The following TMEM132B variants were observed in gnomAD, a reference collection of about 807,000 sequenced individuals.
The protein encoded by TMEM132B is transmembrane protein 132B.
Under a neutral mutation model 90.8 loss-of-function variants are expected in TMEM132B, and 18 were observed. That is an observed-to-expected ratio of 0.20 (90% CI 0.14 to 0.29). TMEM132B has a LOEUF of 0.29. TMEM132B is among the 10% of genes least tolerant of loss of function. The pLI, the probability that TMEM132B is intolerant of heterozygous loss-of-function variation, is 1.00. For missense variants in TMEM132B, 1,096 were observed against 1,326.8 expected (o/e 0.83, Z 2.70); for synonymous variants, 504 against 523.3 (o/e 0.96, Z 0.50).
intron 5 of TMEM132B, chr12:125,584,571 C>T (rs916641056): frequency 6.6e-6 from 1 of 152,446 alleles, no homozygotes; most frequent in Non-Finnish European, 1.5e-5. Context: ...AATAACTATT[C>T]AAATAAAATT....
chr12:125,485,529 A>G (rs756220464), intron 3 of TMEM132B, among the ~76,000 whole-genome samples: 2 of 152,164 alleles, frequency 1.3e-5, no homozygotes, highest in African/African-American at 4.8e-5. Flanking sequence ...AACTAGGTCT[A>G]ATTCCTCCTC....
intron 1 of TMEM132B, among the ~76,000 whole-genome samples, chr12:125,345,407 C>A (rs748518985): frequency 6.6e-6 from 1 of 152,144 alleles, no homozygotes; most frequent in Non-Finnish European, 1.5e-5. Flanking sequence ...GATTCATGTC[C>A]CACCAGTGCT....
chr12:125,654,885 G>A lies in TMEM132B; in HGVS notation c.*175G>A. On this transcript the variant is annotated 3_prime_UTR_variant, in exon 9 of 9. Transcript: ENST00000682704. This position sits in a 1 kb window ranked among gnomAD's most constrained non-coding sequence, Gnocchi z 5.8. ...GAGAGCTATAGAAGCTGGGTTTTAA[G>A]TTTGGAAATGCCTCTAAAACAGCCA... The A allele has an allele frequency of 1.4e-6, 1 of 725,484 alleles. No individual in the cohort carries two copies. Among genetic ancestry groups the A allele is most frequent in the African/African-American group, 1.8e-5 (1 of 56,200 alleles). 44.9% of individuals were successfully genotyped at this position (725,484 alleles called of 1,614,324 possible).
chr12:125,619,464 A>G (rs1886069909), intron 5 of TMEM132B, among the ~76,000 whole-genome samples: 1 of 151,992 alleles, frequency 6.6e-6, no homozygotes, highest in African/African-American at 2.4e-5. Flanking sequence ...TCCCGGGTTC[A>G]AGCAATTCTT....
At chr12:125,322,794 G>C (rs2136192150) in intron 1 of TMEM132B, among the ~76,000 whole-genome samples, 1 of 152,126 alleles carries the variant, frequency 6.6e-6, no homozygotes, top group South Asian at 2.1e-4. Flanking sequence ...GTTTTCTTTT[G>C]CACAGGCAGT....
At chr12:125,328,544 T>C (rs1365947775) in intron 1 of TMEM132B, among the ~76,000 whole-genome samples, 1 of 152,206 alleles carries the variant, frequency 6.6e-6, no homozygotes, top group African/African-American at 2.4e-5. Flanking sequence ...CCTCTTCAGC[T>C]TCTGGTGGCT....
intron 1 of TMEM132B, among the ~76,000 whole-genome samples, chr12:125,245,516 G>T (rs1438016014): frequency 1.3e-5 from 2 of 152,184 alleles, no homozygotes; most frequent in African/African-American, 4.8e-5. Flanking sequence ...CCTGAGACAG[G>T]CAGGACCCAG....
intron 5 of TMEM132B, among the ~76,000 whole-genome samples, chr12:125,617,813 G>A (rs7138465): frequency 0.016 from 2,506 of 152,152 alleles, 74 homozygotes; most frequent in African/African-American, 0.056. Flanking sequence ...CTCTTTGAGG[G>A]GTAGTGTTTG....
chr12:125,621,210 C>T lies in TMEM132B; in HGVS notation c.1438-22866C>T, dbSNP rs185182508. ...GTAAAATGTAAAAGTAAAATGGGGG[C>T]ACATGAGTGTTACTATTGGAGAGAC... On this transcript the variant is annotated intron_variant, in intron 5 of 8. Coordinates refer to ENST00000682704, the MANE Select transcript of TMEM132B (RefSeq NM_001366854.1). 1.1e-3 allele frequency among the ~76,000 whole-genome samples: 168 copies of T among 152,104 alleles called. 3 individuals carry two copies. The highest frequency in any genetic ancestry group is 0.011 in the Admixed American group (166 of 15,282).
intron 2 of TMEM132B, among the ~76,000 whole-genome samples, chr12:125,379,946 T>A (rs1341390363): frequency 1.3e-5 from 2 of 152,006 alleles, no homozygotes; most frequent in Non-Finnish European, 2.9e-5. Flanking sequence ...TGTGAACTTC[T>A]ATTTTGCTCC....
chr12:125,529,129 T>G (rs56910737), intron 4 of TMEM132B, among the ~76,000 whole-genome samples: 8,031 of 152,024 alleles, frequency 0.053, 614 homozygotes, highest in African/African-American at 0.17. Context: ...CTGTTGCCCA[T>G]TTTGGAGTGC....
At chr12:125,614,532 A>G (rs1885942116) in intron 5 of TMEM132B, among the ~76,000 whole-genome samples, 1 of 152,140 alleles carries the variant, frequency 6.6e-6, no homozygotes, top group Admixed American at 6.6e-5. Flanking sequence ...GCACCTGGGT[A>G]GATTCCATGT....
intron 4 of TMEM132B, among the ~76,000 whole-genome samples, chr12:125,569,955 T>A (rs7302864): frequency 3.9e-5 from 6 of 151,968 alleles, no homozygotes; most frequent in African/African-American, 1.5e-4. Context: ...TGACTTGAAG[T>A]GGGAGGCCAT....
chr12:125,206,649 A>G (rs1260423434), intron 1 of TMEM132B, among the ~76,000 whole-genome samples: 6 of 151,950 alleles, frequency 3.9e-5, no homozygotes, highest in African/African-American at 1.2e-4. Context: ...CCACTAGCCC[A>G]TTGCTCGGTT....
intron 1 of TMEM132B, among the ~76,000 whole-genome samples, chr12:125,332,583 CTTTTTTTTTTTTTTTTTTTTTT>C (rs201828438): frequency 0.013 from 685 of 52,524 alleles, 22 homozygotes; most frequent in Admixed American, 0.027. Context: ...AGAGAGTTGG[CTTTTTTTTTTTTTTTTTTTTTT>C]TTTTTTTTTT....
chr12:125,569,647 A>G (rs937970507), intron 4 of TMEM132B, among the ~76,000 whole-genome samples: 3 of 152,186 alleles, frequency 2.0e-5, no homozygotes, highest in Non-Finnish European at 2.9e-5. Context: ...CAATGAAAGC[A>G]TAAAGGAGAA....
At chr12:125,244,568 T>G (rs542630970) in intron 1 of TMEM132B, among the ~76,000 whole-genome samples, 4 of 152,182 alleles carry the variant, frequency 2.6e-5, no homozygotes, top group Non-Finnish European at 5.9e-5. Flanking sequence ...GTCACTGGTA[T>G]ACACCCAAGG....
chr12:125,632,927 C>A (rs1477303218), intron 5 of TMEM132B, among the ~76,000 whole-genome samples: 2 of 151,672 alleles, frequency 1.3e-5, no homozygotes, highest in Non-Finnish European at 2.9e-5. Context: ...TGGATAGTGA[C>A]TTTTTTTTGT....
chr12:125,210,102 C>G (rs1348758969), intron 1 of TMEM132B, among the ~76,000 whole-genome samples: 1 of 152,150 alleles, frequency 6.6e-6, no homozygotes, highest in Non-Finnish European at 1.5e-5. Context: ...CTAGATAGGT[C>G]ACTAAAATAT....
Sources: allele counts gnomAD v4.1 joint callset (sites outside exome capture counted in the v4.1 genomes callset), GRCh38; gene constraint gnomAD v4.1.1; non-coding constraint Gnocchi (gnomAD v3.1); transcripts MANE v1.5; gene names NCBI Gene and HGNC (gene_info 2026-07-23, HGNC 2026-07-21).